CYRIB: variants seen among roughly 807,000 people sequenced by gnomAD.
CYRIB encodes the protein CYFIP related Rac1 interactor B, also known as CYFIP-related Rac1 interactor B.
A neutral mutation model predicts 44.2 loss-of-function variants in CYRIB; 8 were observed. The observed-to-expected ratio is 0.18, with a 90% CI of 0.11 to 0.33. The LOEUF is 0.33. CYRIB is among the 10% of genes least tolerant of loss of function. The pLI is 1.00. For synonymous variants in CYRIB, 131 were observed against 127.2 expected, an observed-to-expected ratio of 1.03 and a Z score of -0.20; for missense variants, 185 against 382.8, an observed-to-expected ratio of 0.48 and a Z score of 4.31.
chr8:129,918,529 T>C (rs74724864), intron 1 of CYRIB, among the ~76,000 whole-genome samples: 3,254 of 152,310 alleles, frequency 0.021, 137 homozygotes, highest in African/African-American at 0.074. Context: ...TGTTACAGAC[T>C]ACAATTACAA....
intron 3 of CYRIB, among the ~76,000 whole-genome samples, chr8:129,878,478 G>T (rs1441419252): frequency 2.0e-5 from 3 of 152,066 alleles, no homozygotes; most frequent in Non-Finnish European, 4.4e-5. Flanking sequence ...TAAATTTTAA[G>T]TATATAAAAA....
In CYRIB at chr8:130,006,641, T is replaced by TATATATAC. The variant is rs1491143067; in HGVS notation, c.-296+9728_-296+9729insGTATATAT. On this transcript the variant is annotated intron_variant, in intron 1 of 14. Coordinates refer to the CYRIB transcript ENST00000401979. ...GTGTATATATATACATATATATGTG[T>TATATATAC]ATATATATACATATATATATGTATA... Among the ~76,000 whole-genome samples, 40 of 128,732 alleles carry TATATATAC rather than the reference T, an allele frequency of 3.1e-4. 2 individuals are homozygous for TATATATAC. Among genetic ancestry groups the TATATATAC allele is most frequent in the Non-Finnish European group, 5.7e-4 (35 of 61,014 alleles). 84.5% of individuals were successfully genotyped at this position (128,732 alleles called of 152,430 possible).
intron 1 of CYRIB, among the ~76,000 whole-genome samples, chr8:129,991,607 C>T (rs2096634949): frequency 6.6e-6 from 1 of 152,084 alleles, no homozygotes; most frequent in African/African-American, 2.4e-5. Flanking sequence ...AAAAGACTCA[C>T]CAGACGCAGC....
Position 129,871,525 on chromosome 8 carries a change from TAC to T in CYRIB, c.74-31_74-30del, listed in dbSNP as rs772735218. The stretch of plus-strand genomic sequence containing the variant: ...AACAGCAGGAAAGCACAAGAAAATT[TAC>T]AGTGACATGAATTTTTTAAAATACA... On this transcript the variant is annotated intron_variant, in intron 3 of 11. Coordinates refer to ENST00000519824, the Ensembl canonical transcript of CYRIB. The T allele has an allele frequency of 1.2e-5, 19 of 1,599,354 alleles. No individual in the cohort carries two copies. In the African/African-American group the frequency reaches 2.0e-4, roughly 17 times the overall value.
chr8:129,844,146 A>G (rs1183525929), intron 11 of CYRIB: 1 of 152,244 alleles, frequency 6.6e-6, no homozygotes, highest in Non-Finnish European at 1.5e-5. Context: ...TAAATAGTAG[A>G]AAGAGCCAAG....
At position 129,961,882 on chromosome 8, in the gene CYRIB, A is replaced by G. The variant is rs375964582; in HGVS notation, c.-243+9061T>C. On this transcript the variant is annotated intron_variant, in intron 2 of 14. Coordinates refer to the CYRIB transcript ENST00000401979. ...TCTGGCCTTGTCAGAGCCCAGGCCT[A>G]TGACCTCGGGCAAGTTCCTAAACTC... is the stretch of plus-strand genomic sequence containing the variant. 2.0e-5 allele frequency among the ~76,000 whole-genome samples: 3 copies of G among 152,364 alleles called. No individual in the cohort carries two copies. The South Asian group carries it at 6.2e-4, about 32-fold the overall frequency.
rs185359935 is a variant in CYRIB, at chr8:129,882,244, A to T, written c.-10-2773T>A. ...GGAATCAAACCAGAAATTCGACTCTAGCTTACTAGCTGTTTGACCTTAAGG... is the reference window on the plus strand; with the variant it reads ...GGAATCAAACCAGAAATTCGACTCTTGCTTACTAGCTGTTTGACCTTAAGG... On this transcript the variant is annotated intron_variant, in intron 2 of 11. Coordinates refer to ENST00000519824, the Ensembl canonical transcript of CYRIB. Among the ~76,000 whole-genome samples the T allele has an allele frequency of 4.6e-5, 7 of 152,330 alleles. No homozygotes were observed. In the East Asian group the frequency reaches 1.3e-3, roughly 29 times the overall value.
At chr8:129,968,209 C>T (rs2095558731) in intron 2 of CYRIB, among the ~76,000 whole-genome samples, 1 of 152,236 alleles carries the variant, frequency 6.6e-6, no homozygotes, top group East Asian at 1.9e-4. Flanking sequence ...ATGCACTTAA[C>T]AAATTTTAAC....
rs569300501 is a variant in CYRIB at position 129,861,642 on chromosome 8, G to A, written c.301+587C>T. Among the ~76,000 whole-genome samples, 20 of 149,156 alleles carry A rather than the reference G, an allele frequency of 1.3e-4. No individual in the cohort carries two copies. In the South Asian group the frequency reaches 1.9e-3, roughly 14 times the overall value. On this transcript the variant is annotated intron_variant, in intron 5 of 11. Transcript: ENST00000519824. ...TTGTTGTTTTTTTTTTTTTTGAGACGGGATTTTGCCATGTTGCCCAGGCTG... is the reference window on the plus strand; with the variant it reads ...TTGTTGTTTTTTTTTTTTTTGAGACAGGATTTTGCCATGTTGCCCAGGCTG...
intron 9 of CYRIB, chr8:129,849,971 T>TG (rs1383013613): frequency 6.6e-6 from 1 of 152,278 alleles, no homozygotes; most frequent in African/African-American, 2.4e-5. Context: ...AAAAGAAAAT[T>TG]GAACTTTTAT....
chr8:129,847,824 TG>T (rs2041020867), intron 10 of CYRIB, among the ~76,000 whole-genome samples: 2 of 152,084 alleles, frequency 1.3e-5, no homozygotes, highest in East Asian at 3.9e-4. Context: ...ATTTTTGAGA[TG>T]GAGTCTCGCT....
intron 11 of CYRIB, among the ~76,000 whole-genome samples, chr8:129,842,950 G>C (rs373068200): frequency 1.4e-4 from 22 of 152,164 alleles, no homozygotes; most frequent in Admixed American, 9.2e-4. Flanking sequence ...TTATTTCTAG[G>C]CATGTGTTTT....
At position 129,857,936 on chromosome 8, in the gene CYRIB, G is replaced by A. The variant is rs528863049; in HGVS notation, c.302-2189C>T. On this transcript the variant is annotated intron_variant, in intron 5 of 11. Coordinates refer to ENST00000519824, the Ensembl canonical transcript of CYRIB. ...ATTCCAAGTTCTCTACCACTTTTGG[G>A]ACTGGAGTCAGGTCGCTTGACTAAG... Among the ~76,000 whole-genome samples the A allele has an allele frequency of 7.9e-5, 12 of 152,350 alleles. No individual in the cohort carries two copies. The South Asian group carries it at 1.0e-3, about 13-fold the overall frequency.
intron 1 of CYRIB, among the ~76,000 whole-genome samples, chr8:130,016,084 G>A (rs1168493570): frequency 2.0e-5 from 3 of 150,594 alleles, no homozygotes; most frequent in Admixed American, 1.3e-4. Flanking sequence ...GACCCGGGCG[G>A]CGGCCCCGCT....
rs2051948697 is a variant in CYRIB at position 129,864,187 on chromosome 8, C to CA, written c.196-1854dup. Among the ~76,000 whole-genome samples, 3 of 152,294 alleles carry CA rather than the reference C, an allele frequency of 2.0e-5. No homozygotes were observed. In the South Asian group the frequency reaches 6.2e-4, roughly 32 times the overall value. On this transcript the variant is annotated intron_variant, in intron 4 of 11. Coordinates refer to ENST00000519824, the Ensembl canonical transcript of CYRIB. ...AATATTTTTAAATGATGCTTAAACC[C>CA]ATTAGAAGCCTGAAGTCAATCCTAC...
chr8:129,858,751 T>C (rs1357491730), intron 5 of CYRIB, among the ~76,000 whole-genome samples: 1 of 152,132 alleles, frequency 6.6e-6, no homozygotes, highest in Non-Finnish European at 1.5e-5. Flanking sequence ...CAGTCCCTAA[T>C]GTAAGCCCCT....
chr8:129,917,676 G>A (rs757606768), intron 1 of CYRIB, among the ~76,000 whole-genome samples: 1 of 152,092 alleles, frequency 6.6e-6, no homozygotes. Context: ...GACCAACATG[G>A]TGAAACCCCA....
chr8:129,910,503 TTA>T (rs1491143445), intron 1 of CYRIB, among the ~76,000 whole-genome samples: 2 of 146,386 alleles, frequency 1.4e-5, no homozygotes, highest in African/African-American at 5.1e-5. Context: ...TTTTTTTTTT[TTA>T]AAGAGACAAG....
chr8:129,933,718 T>C (rs2092203038), intron 1 of CYRIB, among the ~76,000 whole-genome samples: 1 of 151,614 alleles, frequency 6.6e-6, no homozygotes, highest in Non-Finnish European at 1.5e-5. Context: ...CTAGTGAAAA[T>C]ATAAAATTAG....
Sources: allele counts gnomAD v4.1 joint callset (sites outside exome capture counted in the v4.1 genomes callset), GRCh38; gene constraint gnomAD v4.1.1; transcripts MANE v1.5; gene names NCBI Gene and HGNC (gene_info 2026-07-23, HGNC 2026-07-21).